Variants in DNAJC18 observed in about 807,000 individuals in gnomAD.
The protein encoded by DNAJC18 is dnaJ homolog subfamily C member 18.
A neutral mutation model predicts 48.6 loss-of-function variants in DNAJC18; 40 were observed. The ratio of observed to expected loss-of-function variants is 0.82; its 90% CI spans 0.64 to 1.07. The LOEUF is 1.07. Among genes scored for constraint, DNAJC18 ranks in the 50% least tolerant of loss-of-function variants. The pLI is 0.00. For missense variants in DNAJC18, 340 were observed against 427.7 expected (o/e 0.79, Z 1.81); for synonymous variants, 135 against 152.2 (o/e 0.89, Z 0.83).
rs1045659815 is a variant in DNAJC18, at chr5:139,437,684, G to A, written c.41-126C>T. The A allele has an allele frequency of 7.0e-5, 77 of 1,096,700 alleles. No homozygotes were observed. In the Middle Eastern group the frequency reaches 1.2e-3, roughly 17 times the overall value. 67.9% of individuals were successfully genotyped at this position (1,096,700 alleles called of 1,614,324 possible). ...GTAAGCATGATGGCCAGGGCTAGAG[G>A]CGTCATGCTGACTTTTAAGCACTCA... On this transcript the variant is annotated intron_variant, in intron 1 of 7. Coordinates refer to ENST00000302060, the MANE Select transcript of DNAJC18 (RefSeq NM_152686.4).
At chr5:139,424,156 A>G (rs1172030752) in intron 5 of DNAJC18, among the ~76,000 whole-genome samples, 2 of 152,176 alleles carry the variant, frequency 1.3e-5, no homozygotes, top group East Asian at 1.9e-4. Context: ...GGCACTGTAG[A>G]CTGGCTATTT....
At chr5:139,422,047 GT>G (rs1176357081) in intron 6 of DNAJC18, among the ~76,000 whole-genome samples, 1 of 152,160 alleles carries the variant, frequency 6.6e-6, no homozygotes, top group Admixed American at 6.5e-5. Context: ...AATCTAGAGG[GT>G]TTTTTAAAAC....
intron 2 of DNAJC18, among the ~76,000 whole-genome samples, chr5:139,429,041 T>G (rs1001503892): frequency 3.3e-5 from 5 of 151,694 alleles, no homozygotes; most frequent in Non-Finnish European, 7.4e-5. Context: ...ATTTTTTCTC[T>G]CTTTTTCCTA....
At chr5:139,420,308 T>A in intron 6 of DNAJC18, 83 bp from the exon 7 acceptor site, 1 of 1,330,812 alleles carries the variant, frequency 7.5e-7, no homozygotes, top group Non-Finnish European at 1.0e-6. Context: ...GATATCATCA[T>A]CATCATCTGC....
At chr5:139,418,969 A>C (rs1759109341) in intron 7 of DNAJC18, 1 of 423,572 alleles carries the variant, frequency 2.4e-6, no homozygotes, top group South Asian at 1.7e-5. Context: ...AAAGTGCTTT[A>C]AGAACACAGA....
chr5:139,416,962 C>T lies in DNAJC18; in HGVS notation c.953-2690G>A, dbSNP rs565895499. On this transcript the variant is annotated intron_variant, in intron 7 of 7. Coordinates refer to ENST00000302060, the MANE Select transcript of DNAJC18 (RefSeq NM_152686.4). The stretch of plus-strand genomic sequence containing the variant: ...CCAGCACTTCGGAGGCCGAGGTGGG[C>T]GGATTACCTGAGGTCAGGAGTTCGA... Among the ~76,000 whole-genome samples, 23 of 152,232 alleles carry T rather than the reference C, an allele frequency of 1.5e-4. No individual in the cohort carries two copies. In the South Asian group the frequency reaches 3.3e-3, roughly 22 times the overall value.
In DNAJC18 at chr5:139,437,548, G is replaced by A. The variant is rs200798738; in HGVS notation, c.51C>T (p.Asp17=). The stretch of plus-strand genomic sequence containing the variant: ...CTGGGTATTTGTTTCTTCTAACTGC[G>A]TCAATGTAAGCTGCAAACAACAGCC... ...SGERWTEAYI[D]AVRRNKYPED... is the part of the protein sequence containing the mutation. The change falls in exon 2 of 8, where the codon GAC becomes GAT. Residue 17 remains aspartate (D), a synonymous_variant. Coordinates refer to ENST00000302060, the MANE Select transcript of DNAJC18 (RefSeq NM_152686.4). The A allele has an allele frequency of 1.4e-4, 222 of 1,611,172 alleles. No homozygotes were observed. The highest frequency in any genetic ancestry group is 1.7e-4 in the Non-Finnish European group (203 of 1,179,140).
chr5:139,426,163 G>A lies in DNAJC18; in HGVS notation c.559+9C>T, dbSNP rs376928879. 4.4e-6 allele frequency: 7 copies of A among 1,608,478 alleles called. No individual in the cohort carries two copies. Among genetic ancestry groups the A allele is most frequent in the Non-Finnish European group, 5.9e-6 (7 of 1,178,404 alleles). ...ATATGTTTAAGAATGATAATTTGGG[G>A]AGACTAACCTGTAGGAAAATGTCCT... On this transcript the variant is annotated intron_variant, in intron 4 of 7. Coordinates refer to ENST00000302060, the MANE Select transcript of DNAJC18 (RefSeq NM_152686.4).
At chr5:139,437,278 A>G (rs762346466) in intron 2 of DNAJC18, 94 bp downstream of exon 2, 62 of 1,412,504 alleles carry the variant, frequency 4.4e-5, no homozygotes, top group Non-Finnish European at 5.9e-5. Context: ...CATCATCATC[A>G]TCATTATCAT....
intron 3 of DNAJC18, 101 bp downstream of exon 3, chr5:139,428,437 C>T: frequency 1.4e-6 from 2 of 1,463,320 alleles, no homozygotes; most frequent in Non-Finnish European, 1.8e-6. Context: ...GGGAAAAAAC[C>T]CTCCTTATGG....
chr5:139,420,183 C>A lies in DNAJC18; in HGVS notation c.822G>T (p.Gln274His), dbSNP rs1561998273. 6.2e-7 allele frequency: 1 copy of A among 1,611,728 alleles called. No individual in the cohort carries two copies. Among genetic ancestry groups the A allele is most frequent in the Non-Finnish European group, 8.5e-7 (1 of 1,179,432 alleles). Residue 274 changes from glutamine (Q) to histidine (H), a missense_variant, in exon 7 of 8, where the codon CAG (glutamine) becomes CAT (histidine). Physicochemically the swap from Gln to His is conservative, Grantham distance 24. Transcript: ENST00000302060. ...YTISRETQNL[Q>H]VPYFVDKNFD... is the part of the protein sequence containing the mutation. ...AGTTTTTATCCACAAAGTAAGGCAC[C>A]TGCAGGTTCTGAGTTTCTCTAGAAA...
rs771658173 is a variant in DNAJC18, at chr5:139,439,459, CAGCAGGTCCGCCG to C, written c.-27_-15del. 2.2e-5 allele frequency: 36 copies of C among 1,613,882 alleles called. No homozygotes were observed. Among genetic ancestry groups the C allele is most frequent in the Non-Finnish European group, 2.8e-5 (33 of 1,180,028 alleles). On this transcript the variant is annotated 5_prime_UTR_variant, in exon 1 of 8. Coordinates refer to ENST00000302060, the MANE Select transcript of DNAJC18 (RefSeq NM_152686.4). This position sits in a 1 kb window ranked among gnomAD's most constrained non-coding sequence, Gnocchi z 4.1. ...AGTCGCCGCCATATCGGTTCCCAAT[CAGCAGGTCCGCCG>C]AGCCTCCCCCGTGCCCGAGGCTGAA... is the stretch of plus-strand genomic sequence containing the variant.
chr5:139,425,768 A>G (rs532512665), intron 4 of DNAJC18, among the ~76,000 whole-genome samples: 1 of 152,184 alleles, frequency 6.6e-6, no homozygotes, highest in Non-Finnish European at 1.5e-5. Flanking sequence ...ATAAAATTCA[A>G]TTTACTTCCT....
chr5:139,420,408 T>A, intron 6 of DNAJC18, 183 bp from the exon 7 acceptor site: 1 of 590,116 alleles, frequency 1.7e-6, no homozygotes, highest in Non-Finnish European at 2.8e-6. Flanking sequence ...ATCATAATTG[T>A]ATTATGTAAG....
intron 1 of DNAJC18, among the ~76,000 whole-genome samples, chr5:139,438,560 G>A (rs1410860291): frequency 2.0e-5 from 3 of 152,132 alleles, no homozygotes; most frequent in Non-Finnish European, 4.4e-5. Flanking sequence ...AAGGGGCAGA[G>A]CACTCATGTC....
chr5:139,434,477 C>T (rs969551293), intron 2 of DNAJC18, among the ~76,000 whole-genome samples: 3 of 152,064 alleles, frequency 2.0e-5, no homozygotes, highest in Non-Finnish European at 4.4e-5. Flanking sequence ...GTGCATGCCA[C>T]CACACCTGGC....
intron 2 of DNAJC18, among the ~76,000 whole-genome samples, chr5:139,435,925 TGTTGGC>T (rs1750647442): frequency 6.6e-6 from 1 of 151,820 alleles, no homozygotes; most frequent in East Asian, 1.9e-4. Context: ...AGTTTCGCCA[TGTTGGC>T]CAGGCTGGTC....
chr5:139,439,285 T>C lies in DNAJC18; in HGVS notation c.40+121A>G. ...CAACCCTACTCAGGCTCAGCATCTT[T>C]TCACAGGCCTCTATCCATCACCTCA... is the stretch of plus-strand genomic sequence containing the variant. On this transcript the variant is annotated intron_variant, in intron 1 of 7. Coordinates refer to ENST00000302060, the MANE Select transcript of DNAJC18 (RefSeq NM_152686.4). This position sits in a 1 kb window ranked among gnomAD's most constrained non-coding sequence, Gnocchi z 4.1. 6.7e-7 allele frequency: 1 copy of C among 1,501,920 alleles called. No individual in the cohort carries two copies. 93.0% of individuals were successfully genotyped at this position (1,501,920 alleles called of 1,614,324 possible). A position where few individuals can be genotyped will look rare whatever the true frequency, so the allele number is the denominator to read the frequency against.
At chr5:139,422,613 A>C (rs1759172303) in intron 6 of DNAJC18, 95 bp downstream of exon 6, 2 of 977,820 alleles carry the variant, frequency 2.0e-6, no homozygotes, top group African/African-American at 1.7e-5. Context: ...TCTACAGCAA[A>C]AGGTGAAATG....
Sources: gnomAD v4.1 joint callset for allele counts (sites outside exome capture counted in the v4.1 genomes callset) on GRCh38, gnomAD v4.1.1 for gene constraint, Gnocchi (gnomAD v3.1) non-coding constraint, MANE v1.5 for transcripts, NCBI Gene and HGNC (gene_info 2026-07-23, HGNC 2026-07-21) for gene names.